SEPTIN7: variants seen among roughly 807,000 people sequenced by gnomAD.
The protein encoded by SEPTIN7 is septin-7.
SEPTIN7 carries 10 observed loss-of-function variants against 63.3 expected under a neutral mutation model. That is an observed-to-expected ratio of 0.16 (90% CI 0.10 to 0.27). SEPTIN7 has a LOEUF of 0.27. SEPTIN7 is among the 10% of genes least tolerant of loss of function. The probability of loss-of-function intolerance (pLI) is 1.00; values close to 1 mark genes in which losing one functional copy is unlikely to be tolerated. For synonymous variants in SEPTIN7, 131 were observed against 165.3 expected (o/e 0.79, Z 1.59); for missense variants, 310 against 521.0 (o/e 0.59, Z 3.94).
intron 11 of SEPTIN7, among the ~76,000 whole-genome samples, chr7:35,897,429 A>G (rs1788019913): frequency 6.6e-6 from 1 of 152,174 alleles, no homozygotes; most frequent in South Asian, 2.1e-4. Context: ...CCACCTGTAA[A>G]TATATCTCAG....
At chr7:35,841,608 A>G (rs1784410713) in intron 3 of SEPTIN7, among the ~76,000 whole-genome samples, 1 of 152,232 alleles carries the variant, frequency 6.6e-6, no homozygotes, top group African/African-American at 2.4e-5. Flanking sequence ...TTGATTGGAT[A>G]GGTGGACTGA....
chr7:35,819,853 TC>T (rs1259745520), intron 1 of SEPTIN7, among the ~76,000 whole-genome samples: 1 of 152,218 alleles, frequency 6.6e-6, no homozygotes, highest in Non-Finnish European at 1.5e-5. Flanking sequence ...CTTTTAAAAA[TC>T]CACATAGCCA....
chr7:35,893,219 GCT>G (rs1231325098), intron 11 of SEPTIN7, among the ~76,000 whole-genome samples: 2 of 20,050 alleles, frequency 1.0e-4, no homozygotes, highest in African/African-American at 1.4e-4. Flanking sequence ...TTTTTGTATT[GCT>G]CTCATGTGAC....
chr7:35,808,289 G>A (rs1583482057), intron 1 of SEPTIN7, among the ~76,000 whole-genome samples: 1 of 152,064 alleles, frequency 6.6e-6, no homozygotes, highest in Non-Finnish European at 1.5e-5. Flanking sequence ...TTCTTCCAAA[G>A]GTGTTTTTTG....
At chr7:35,809,744 G>C (rs533300525) in intron 1 of SEPTIN7, among the ~76,000 whole-genome samples, 3 of 152,306 alleles carry the variant, frequency 2.0e-5, no homozygotes, top group African/African-American at 7.2e-5. Context: ...TAGGCAACTG[G>C]TATTGCTGTG....
At chr7:35,848,233 TTCCAGGA>T (rs1273544339) in intron 3 of SEPTIN7, among the ~76,000 whole-genome samples, 1 of 152,224 alleles carries the variant, frequency 6.6e-6, no homozygotes, top group African/African-American at 2.4e-5. Flanking sequence ...GAAAGTCTTA[TTCCAGGA>T]TCTGAAAGAC....
At chr7:35,839,523 T>TTTATGTTATG (rs59165377) in intron 3 of SEPTIN7, among the ~76,000 whole-genome samples, 22,891 of 148,166 alleles carry the variant, frequency 0.15, 1,837 homozygotes, top group East Asian at 0.19. Context: ...ATTTTTGTAA[T>TTTATGTTATG]TTATGTTATG....
chr7:35,837,588 C>T (rs1013654263), intron 3 of SEPTIN7, among the ~76,000 whole-genome samples: 13 of 152,086 alleles, frequency 8.5e-5, no homozygotes, highest in African/African-American at 3.1e-4. Flanking sequence ...TACCAAATTG[C>T]TCTAAAACAA....
intron 4 of SEPTIN7, among the ~76,000 whole-genome samples, chr7:35,864,555 A>G (rs1785696489): frequency 6.6e-6 from 1 of 152,220 alleles, no homozygotes; most frequent in East Asian, 1.9e-4. Flanking sequence ...GCATGGAAAA[A>G]AAAATCTCAA....
At chr7:35,826,681 A>G (rs1162833501) in intron 1 of SEPTIN7, among the ~76,000 whole-genome samples, 1 of 152,022 alleles carries the variant, frequency 6.6e-6, no homozygotes, top group Non-Finnish European at 1.5e-5. Flanking sequence ...TCTGATTTTT[A>G]TTAGGCATCC....
intron 1 of SEPTIN7, among the ~76,000 whole-genome samples, chr7:35,803,384 AC>A (rs1321413912): frequency 1.3e-5 from 2 of 152,210 alleles, no homozygotes; most frequent in Non-Finnish European, 2.9e-5. Flanking sequence ...TAGGACAACA[AC>A]AACAACAAAG....
At chr7:35,839,325 A>G (rs1405506200) in intron 3 of SEPTIN7, among the ~76,000 whole-genome samples, 3 of 152,198 alleles carry the variant, frequency 2.0e-5, no homozygotes, top group Admixed American at 1.3e-4. Context: ...CCACTGTGTA[A>G]TGTTTCCAGC....
intron 3 of SEPTIN7, among the ~76,000 whole-genome samples, chr7:35,835,096 A>T (rs963732571): frequency 5.3e-5 from 8 of 152,090 alleles, no homozygotes; most frequent in African/African-American, 1.9e-4. Flanking sequence ...GTATTCCCAT[A>T]TTTTCTGTCT....
chr7:35,900,221 T>G (rs1451938704), intron 12 of SEPTIN7: 4 of 152,248 alleles, frequency 2.6e-5, no homozygotes, highest in Non-Finnish European at 5.9e-5. Flanking sequence ...TATTGGGCTT[T>G]TCTTGTAATT....
At chr7:35,819,445 C>T (rs1347240625) in intron 1 of SEPTIN7, among the ~76,000 whole-genome samples, 2 of 152,054 alleles carry the variant, frequency 1.3e-5, no homozygotes, top group Non-Finnish European at 2.9e-5. Context: ...TGTTGTACAG[C>T]TATGTGTTAG....
At chr7:35,814,668 A>T (rs1394245301) in intron 1 of SEPTIN7, among the ~76,000 whole-genome samples, 1 of 151,994 alleles carries the variant, frequency 6.6e-6, no homozygotes, top group Admixed American at 6.6e-5. Context: ...CATGTACATG[A>T]TGCTACATTT....
intron 1 of SEPTIN7, among the ~76,000 whole-genome samples, chr7:35,812,824 T>G (rs1788812682): frequency 6.6e-6 from 1 of 152,222 alleles, no homozygotes; most frequent in African/African-American, 2.4e-5. Context: ...TATAGTAACA[T>G]AAATATGTCT....
chr7:35,831,952 A>C, intron 2 of SEPTIN7: 1 of 317,246 alleles, frequency 3.2e-6, no homozygotes, highest in South Asian at 2.5e-5. Flanking sequence ...TGTTGAGATA[A>C]GACTGCCTCC....
At chr7:35,914,606 C>T in the SEPTIN7 span, among the ~76,000 whole-genome samples, 1 of 151,624 alleles carries the variant, frequency 6.6e-6, no homozygotes, top group African/African-American at 2.4e-5. Flanking sequence ...CAATTCCTTA[C>T]AATAAATCTC....
Sources: allele counts gnomAD v4.1 joint callset (sites outside exome capture counted in the v4.1 genomes callset), GRCh38; gene constraint gnomAD v4.1.1; transcripts MANE v1.5; gene names NCBI Gene and HGNC (gene_info 2026-07-23, HGNC 2026-07-21).